GRM5: variants seen among roughly 807,000 people sequenced by gnomAD.
GRM5 encodes the protein metabotropic glutamate receptor 5.
GRM5 carries 19 observed loss-of-function variants against 83.1 expected under a neutral mutation model. The observed-to-expected ratio is 0.23, with a 90% CI of 0.16 to 0.34. GRM5 has a LOEUF of 0.34. Among genes scored for constraint, GRM5 ranks in the 10% least tolerant of loss-of-function variants. The pLI is 1.00. For synonymous variants in GRM5, 675 were observed against 633.6 expected, an observed-to-expected ratio of 1.07 and a Z score of -0.98; for missense variants, 1,160 against 1,588.3, an observed-to-expected ratio of 0.73 and a Z score of 4.58.
chr11:88,834,982 T>TC (rs975398392), intron 3 of GRM5, among the ~76,000 whole-genome samples: 27 of 151,802 alleles, frequency 1.8e-4, no homozygotes, highest in Non-Finnish European at 3.1e-4. Flanking sequence ...CTGCCATTTT[T>TC]CCCCCCCTGC....
At chr11:88,875,854 G>T (rs1944844674) in intron 2 of GRM5, among the ~76,000 whole-genome samples, 1 of 152,084 alleles carries the variant, frequency 6.6e-6, no homozygotes, top group African/African-American at 2.4e-5. Context: ...AAAATATTCA[G>T]CAGAGCATTC....
At chr11:88,960,330 T>C (rs1938744342) in intron 2 of GRM5, among the ~76,000 whole-genome samples, 1 of 152,156 alleles carries the variant, frequency 6.6e-6, no homozygotes, top group South Asian at 2.1e-4. Flanking sequence ...GGCTCTATTC[T>C]AAGTACTTTA....
intron 4 of GRM5, among the ~76,000 whole-genome samples, chr11:88,626,421 T>TA (rs1938799295): frequency 6.6e-6 from 1 of 152,226 alleles, no homozygotes; most frequent in Non-Finnish European, 1.5e-5. Flanking sequence ...CTGTGACTCA[T>TA]AGAGATTTCT....
chr11:89,038,452 T>G (rs1941447195), intron 2 of GRM5, among the ~76,000 whole-genome samples: 1 of 152,192 alleles, frequency 6.6e-6, no homozygotes, highest in Non-Finnish European at 1.5e-5. Flanking sequence ...CCATATTGCT[T>G]CCTGCTATTA....
intron 7 of GRM5, among the ~76,000 whole-genome samples, chr11:88,586,896 C>T (rs1943326059): frequency 6.6e-6 from 1 of 152,166 alleles, no homozygotes; most frequent in Non-Finnish European, 1.5e-5. Flanking sequence ...TGGCCCCACA[C>T]TGTCTATATA....
At chr11:88,750,948 C>T (rs564509376) in intron 3 of GRM5, among the ~76,000 whole-genome samples, 1 of 151,486 alleles carries the variant, frequency 6.6e-6, no homozygotes, top group South Asian at 2.1e-4. Context: ...TCAATGCCCA[C>T]ATCAAAAACT....
intron 2 of GRM5, among the ~76,000 whole-genome samples, chr11:88,993,980 A>C (rs1239281914): frequency 6.6e-6 from 1 of 152,150 alleles, no homozygotes. Context: ...GGCCTCCGAA[A>C]GTACTGGGAT....
chr11:88,876,765 GC>G (rs1207961956), intron 2 of GRM5, among the ~76,000 whole-genome samples: 1 of 152,054 alleles, frequency 6.6e-6, no homozygotes, highest in Non-Finnish European at 1.5e-5. Flanking sequence ...CATTGGTGGA[GC>G]AGTCAGAACA....
intron 3 of GRM5, among the ~76,000 whole-genome samples, chr11:88,689,102 T>C (rs1338416890): frequency 2.6e-5 from 4 of 152,126 alleles, no homozygotes; most frequent in Admixed American, 2.0e-4. Flanking sequence ...TACTAGATAC[T>C]GCTAACTGTG....
intron 5 of GRM5, among the ~76,000 whole-genome samples, chr11:88,601,131 C>T (rs1459111375): frequency 6.6e-6 from 1 of 152,092 alleles, no homozygotes; most frequent in Admixed American, 6.5e-5. Flanking sequence ...TGCGTATGTC[C>T]TTGCCCTGTT....
At chr11:89,046,247 C>T (rs114348810) in intron 2 of GRM5, among the ~76,000 whole-genome samples, 2,356 of 152,034 alleles carry the variant, frequency 0.015, 60 homozygotes, top group African/African-American at 0.053. Flanking sequence ...TTTACCAGAC[C>T]GAAATATTTG....
intron 2 of GRM5, among the ~76,000 whole-genome samples, chr11:88,931,085 A>T (rs370224631): frequency 1.2e-4 from 16 of 139,046 alleles, no homozygotes; most frequent in African/African-American, 3.2e-4. Flanking sequence ...GAGTTTTTTT[A>T]AATGCTATTA....
intron 2 of GRM5, among the ~76,000 whole-genome samples, chr11:88,877,638 T>C (rs1349862676): frequency 6.6e-6 from 1 of 151,806 alleles, no homozygotes; most frequent in Non-Finnish European, 1.5e-5. Flanking sequence ...CTGGGCAACA[T>C]GGCAAAACCC....
chr11:89,018,757 C>G (rs965056398), intron 2 of GRM5, among the ~76,000 whole-genome samples: 1 of 151,886 alleles, frequency 6.6e-6, no homozygotes, highest in Non-Finnish European at 1.5e-5. Context: ...TAAAAGAGCA[C>G]CCAGAATTTT....
intron 5 of GRM5, among the ~76,000 whole-genome samples, chr11:88,601,438 ATC>A (rs1937993847): frequency 7.0e-6 from 1 of 142,008 alleles, no homozygotes; most frequent in African/African-American, 2.6e-5. Context: ...GTTCTTTCTT[ATC>A]TCTCTATTGG....
chr11:88,740,554 A>C (rs1942005363), intron 3 of GRM5, among the ~76,000 whole-genome samples: 1 of 152,076 alleles, frequency 6.6e-6, no homozygotes, highest in Admixed American at 6.6e-5. Flanking sequence ...TTTCAAAGAT[A>C]AGGAAGTTGA....
intron 3 of GRM5, among the ~76,000 whole-genome samples, chr11:88,770,422 GTGTA>G (rs1487247230): frequency 5.9e-5 from 9 of 152,014 alleles, no homozygotes; most frequent in African/African-American, 2.2e-4. Flanking sequence ...AATAAACTCT[GTGTA>G]TGTCAGAGGA....
intron 4 of GRM5, among the ~76,000 whole-genome samples, chr11:88,649,070 AAT>A (rs1939550780): frequency 6.9e-6 from 1 of 145,106 alleles, no homozygotes; most frequent in Admixed American, 7.1e-5. Context: ...TATATATTAT[AAT>A]ATATAATACA....
intron 4 of GRM5, among the ~76,000 whole-genome samples, chr11:88,618,983 T>C (rs1938561910): frequency 6.6e-6 from 1 of 152,156 alleles, no homozygotes; most frequent in South Asian, 2.1e-4. Flanking sequence ...AAAGGGCTGC[T>C]TTTCCTTCTT....
Sources: gnomAD v4.1 joint callset for allele counts (sites outside exome capture counted in the v4.1 genomes callset) on GRCh38, gnomAD v4.1.1 for gene constraint, MANE v1.5 for transcripts, NCBI Gene and HGNC (gene_info 2026-07-23, HGNC 2026-07-21) for gene names.